CPXM2: variants seen among roughly 807,000 people sequenced by gnomAD.
CPXM2 encodes carboxypeptidase X, M14 family member 2.
Under a neutral mutation model 86.1 loss-of-function variants are expected in CPXM2, and 66 were observed. The observed-to-expected ratio is 0.77, with a 90% CI of 0.63 to 0.94. The LOEUF is 0.94. CPXM2 is among the 40% of genes least tolerant of loss of function. The pLI is 0.00. For synonymous variants in CPXM2, 388 were observed against 400.2 expected (o/e 0.97, Z 0.36); for missense variants, 948 against 1,026.3 (o/e 0.92, Z 1.04).
intron 6 of CPXM2, among the ~76,000 whole-genome samples, chr10:123,794,092 G>C (rs1366643525): frequency 6.6e-6 from 1 of 152,222 alleles, no homozygotes; most frequent in Non-Finnish European, 1.5e-5. Context: ...ACCTGCTCTT[G>C]GCCGACTTGG....
At chr10:123,810,836 G>T (rs1048428339) in intron 4 of CPXM2, among the ~76,000 whole-genome samples, 2 of 152,016 alleles carry the variant, frequency 1.3e-5, no homozygotes, top group Admixed American at 6.6e-5. Context: ...GCCCAAAATA[G>T]CCAAGATACT....
intron 2 of CPXM2, among the ~76,000 whole-genome samples, chr10:123,910,265 T>TC (rs1945477339): frequency 6.6e-6 from 1 of 151,952 alleles, no homozygotes; most frequent in African/African-American, 2.4e-5. Flanking sequence ...CCTGGCCAGG[T>TC]TTTTTTTACT....
At chr10:123,895,101 C>CT (rs1001049091), upstream of CPXM2, among the ~76,000 whole-genome samples, 14 of 124,238 alleles carry the variant, frequency 1.1e-4, no homozygotes, top group Admixed American at 1.6e-4. Flanking sequence ...AAGACAGATT[C>CT]TTTTTTTTTT....
In CPXM2 at chr10:123,860,743, C is replaced by A. The variant is rs1318500459; in HGVS notation, c.513+1871G>T. 6.6e-5 allele frequency among the ~76,000 whole-genome samples: 10 copies of A among 152,016 alleles called. No individual in the cohort carries two copies. In the East Asian group the frequency reaches 1.9e-3, roughly 29 times the overall value. On this transcript the variant is annotated intron_variant, in intron 3 of 13. Coordinates refer to ENST00000241305, the MANE Select transcript of CPXM2 (RefSeq NM_198148.3). ...GGGTACTGGAGGCACTGTGGGGACA[C>A]GAACATAGCTCCAGCTCAAGCTTTG... is the stretch of plus-strand genomic sequence containing the variant.
rs1306878672 is a variant in CPXM2, at chr10:123,865,077, G to A, written c.404-2354C>T. 3.9e-5 allele frequency among the ~76,000 whole-genome samples: 6 copies of A among 152,150 alleles called. No individual in the cohort carries two copies. Among genetic ancestry groups the A allele is most frequent in the East Asian group, 1.9e-4 (1 of 5,186 alleles). On this transcript the variant is annotated intron_variant, in intron 2 of 13. Transcript: ENST00000241305. This position sits in a 1 kb window ranked among gnomAD's most constrained non-coding sequence, Gnocchi z 4.7. ...TTGTCCACTCCTGTGATGGTGTCAC[G>A]GCAAAGCCAGAAACTTCACCCCCTC...
At chr10:123,775,588 G>A (rs576369265) in intron 7 of CPXM2, among the ~76,000 whole-genome samples, 7 of 152,300 alleles carry the variant, frequency 4.6e-5, no homozygotes, top group South Asian at 4.1e-4. Context: ...GCTGGGCCAC[G>A]AGCCATCAGA....
chr10:123,906,710 G>A (rs1945445213), intron 2 of CPXM2, among the ~76,000 whole-genome samples: 3 of 152,058 alleles, frequency 2.0e-5, no homozygotes, highest in Non-Finnish European at 2.9e-5. Flanking sequence ...AAAGATCTGG[G>A]GCCTTCCAAA....
At chr10:123,843,430 CTA>C (rs1848429825) in intron 3 of CPXM2, among the ~76,000 whole-genome samples, 1 of 104,440 alleles carries the variant, frequency 9.6e-6, no homozygotes, top group African/African-American at 3.9e-5. Flanking sequence ...TTTCACAGAG[CTA>C]TTTTTTTTTT....
chr10:123,766,999 C>A lies in CPXM2; in HGVS notation c.1453G>T (p.Glu485Ter). 6.2e-7 allele frequency: 1 copy of A among 1,614,102 alleles called. No individual in the cohort carries two copies. The highest frequency in any genetic ancestry group is 8.5e-7 in the Non-Finnish European group (1 of 1,179,964). Residue 485 changes from glutamate (E) to a stop codon, truncating the protein, a stop_gained, in exon 10 of 14, where the codon GAG becomes TAG. Coordinates refer to ENST00000241305, the MANE Select transcript of CPXM2 (RefSeq NM_198148.3). LOFTEE classifies it high-confidence loss of function. ...GTGGCATTTTCCGACAGAAACCACT[C>A]AGGGATTGCAATATAGTGATTGGGA... ...KVPNHYIAIP[E>*]WFLSENATVA...
chr10:123,943,754 C>G (rs1945798869), upstream of CPXM2, among the ~76,000 whole-genome samples: 1 of 152,170 alleles, frequency 6.6e-6, no homozygotes, highest in Non-Finnish European at 1.5e-5. Flanking sequence ...TACGGTGGGG[C>G]TGTCTGGCGC....
chr10:123,835,117 A>T lies in CPXM2; in HGVS notation c.653+7232T>A, dbSNP rs142501012. Among the ~76,000 whole-genome samples the T allele has an allele frequency of 2.0e-3, 306 of 152,314 alleles. 1 individual carries two copies. Among genetic ancestry groups the T allele is most frequent in the African/African-American group, 7.0e-3 (291 of 41,574 alleles). The stretch of plus-strand genomic sequence containing the variant: ...TATAGCAACACCAATGGACTAAGAC[A>T]TGGGTCAAGGGGTGGGGGAGTTAGT... On this transcript the variant is annotated intron_variant, in intron 4 of 13. Coordinates refer to ENST00000241305, the MANE Select transcript of CPXM2 (RefSeq NM_198148.3).
At chr10:123,857,521 C>T (rs1848752186) in intron 3 of CPXM2, among the ~76,000 whole-genome samples, 1 of 151,768 alleles carries the variant, frequency 6.6e-6, no homozygotes, top group Non-Finnish European at 1.5e-5. Context: ...AGGAAACAAG[C>T]AGGGAGGCAG....
rs375442985 is a variant in CPXM2, at chr10:123,761,856, C to T, written c.1777+16G>A. 1 of 1,610,242 alleles carries T rather than the reference C, an allele frequency of 6.2e-7. No individual in the cohort carries two copies. Among genetic ancestry groups the T allele is most frequent in the Admixed American group, 1.7e-5 (1 of 59,750 alleles). ...TCCTGCGCCCGCAGCCCACTCTCCC[C>T]CAGAGGGAGGCTTACTTCCAGCGAC... is the stretch of plus-strand genomic sequence containing the variant. On this transcript the variant is annotated intron_variant, in intron 11 of 13. Transcript: ENST00000241305.
chr10:123,928,746 G>A (rs1180391685), intron 2 of CPXM2, among the ~76,000 whole-genome samples: 2 of 152,230 alleles, frequency 1.3e-5, no homozygotes, highest in Non-Finnish European at 2.9e-5. Context: ...ATGAGTGAAT[G>A]AGCCTTCAGA....
intron 4 of CPXM2, 35 bp from the exon 5 acceptor site, chr10:123,799,234 C>T (rs781291247): frequency 6.2e-5 from 100 of 1,611,494 alleles, no homozygotes; most frequent in Non-Finnish European, 7.9e-5. Flanking sequence ...GGACTACACA[C>T]TTTAAAATGT....
At chr10:123,923,453 C>A (rs568592549) in intron 2 of CPXM2, among the ~76,000 whole-genome samples, 2,501 of 149,626 alleles carry the variant, frequency 0.017, 81 homozygotes, top group African/African-American at 0.06. Context: ...TGGTGGCGGG[C>A]GCCTGTAGTC....
At chr10:123,880,790 C>G (rs1305345700) in intron 1 of CPXM2, among the ~76,000 whole-genome samples, 1 of 135,296 alleles carries the variant, frequency 7.4e-6, no homozygotes, top group Non-Finnish European at 1.5e-5. Context: ...GATTGCGCCA[C>G]TGCACTCCAG....
Position 123,798,050 on chromosome 10 carries a change from CG to C in CPXM2, c.814del (p.Arg272AlafsTer2). The C allele has an allele frequency of 2.5e-6, 4 of 1,611,402 alleles. No individual in the cohort carries two copies. Among genetic ancestry groups the C allele is most frequent in the Non-Finnish European group, 3.4e-6 (4 of 1,178,664 alleles). The part of the protein sequence containing the change: ...LPVPMVARYI[R>X]INPQSWFDNG... ...ATCAAACCAGGACTGAGGGTTTATG[CG>C]GATGTAGCGGGCCACCATGGGGACG... is the stretch of plus-strand genomic sequence containing the variant. On this transcript the variant is annotated frameshift_variant, in exon 6 of 14. Coordinates refer to ENST00000241305, the MANE Select transcript of CPXM2 (RefSeq NM_198148.3). LOFTEE classifies it high-confidence loss of function.
intron 2 of CPXM2, among the ~76,000 whole-genome samples, chr10:123,901,746 T>A (rs908837594): frequency 6.6e-6 from 1 of 152,156 alleles, no homozygotes; most frequent in Non-Finnish European, 1.5e-5. Context: ...TACCTCTGTT[T>A]AACTTCGGGA....
Sources: gnomAD v4.1 joint callset for allele counts (sites outside exome capture counted in the v4.1 genomes callset) on GRCh38, gnomAD v4.1.1 for gene constraint, Gnocchi (gnomAD v3.1) non-coding constraint, MANE v1.5 for transcripts, NCBI Gene and HGNC (gene_info 2026-07-23, HGNC 2026-07-21) for gene names.